TBC1D1: variants seen among roughly 807,000 people sequenced by gnomAD.
The protein encoded by TBC1D1 is TBC1 (tre-2/USP6, BUB2, cdc16) domain family, member 1.
TBC1D1 carries 89 observed loss-of-function variants against 125.6 expected under a neutral mutation model. The observed-to-expected ratio is 0.71, with a 90% CI of 0.60 to 0.85. The LOEUF (loss-of-function observed/expected upper bound fraction) is 0.85, where lower values mean the gene tolerates loss of function less well. Ranked by LOEUF, TBC1D1 falls within the 40% of genes least tolerant of loss-of-function variation. The pLI is 0.00. For synonymous variants in TBC1D1, 565 were observed against 564.1 expected (o/e 1.00, Z -0.02); for missense variants, 1,377 against 1,469.2 (o/e 0.94, Z 1.03).
At chr4:38,007,536 A>T (rs1245064188) in intron 2 of TBC1D1, among the ~76,000 whole-genome samples, 2 of 152,162 alleles carry the variant, frequency 1.3e-5, no homozygotes, top group Non-Finnish European at 2.9e-5. Flanking sequence ...TACAGGTGTG[A>T]ACCACTACTC....
intron 9 of TBC1D1, among the ~76,000 whole-genome samples, chr4:38,044,845 G>A (rs1310441906): frequency 6.6e-6 from 1 of 152,180 alleles, no homozygotes; most frequent in East Asian, 1.9e-4. Flanking sequence ...GTTACTGTCA[G>A]CTGCTGGTGT....
intron 2 of TBC1D1, among the ~76,000 whole-genome samples, chr4:37,971,822 C>T (rs1732086915): frequency 6.6e-6 from 1 of 152,158 alleles, no homozygotes; most frequent in South Asian, 2.1e-4. Context: ...CCAATAATGA[C>T]CTCTGTGGCT....
chr4:38,097,219 A>G (rs1369415801), intron 14 of TBC1D1, among the ~76,000 whole-genome samples: 3 of 151,524 alleles, frequency 2.0e-5, no homozygotes, highest in Non-Finnish European at 4.4e-5. Context: ...CTGGAGTGCA[A>G]TGGCGCGATC....
intron 8 of TBC1D1, among the ~76,000 whole-genome samples, chr4:38,043,933 C>T (rs893552811): frequency 3.3e-5 from 5 of 152,190 alleles, no homozygotes; most frequent in African/African-American, 4.8e-5. Context: ...CTTTCTACCA[C>T]GCTGTGTTCA....
intron 2 of TBC1D1, among the ~76,000 whole-genome samples, chr4:37,998,697 C>A (rs763827822): frequency 2.6e-5 from 4 of 152,182 alleles, no homozygotes; most frequent in Non-Finnish European, 5.9e-5. Flanking sequence ...GATAGTCTGC[C>A]TTCTGTAAAA....
intron 2 of TBC1D1, among the ~76,000 whole-genome samples, chr4:37,997,255 C>T (rs192146542): frequency 1.8e-3 from 279 of 152,338 alleles, no homozygotes; most frequent in African/African-American, 6.1e-3. Context: ...AGATAATTAT[C>T]TATGCAAATG....
chr4:37,893,364 A>T (rs1341676402), intron 1 of TBC1D1, among the ~76,000 whole-genome samples: 5 of 152,128 alleles, frequency 3.3e-5, no homozygotes, highest in Admixed American at 6.6e-5. Context: ...CTTCCTGTAT[A>T]TGTGTGGGTG....
intron 2 of TBC1D1, among the ~76,000 whole-genome samples, chr4:37,986,419 A>G (rs1735463328): frequency 6.6e-6 from 1 of 152,220 alleles, no homozygotes; most frequent in Non-Finnish European, 1.5e-5. Flanking sequence ...TCTATCAAAC[A>G]ATATATTGTA....
intron 2 of TBC1D1, among the ~76,000 whole-genome samples, chr4:37,937,001 C>A (rs1432343414): frequency 1.3e-5 from 2 of 152,106 alleles, no homozygotes; most frequent in East Asian, 3.9e-4. Context: ...GAAAATCAAG[C>A]CTGGCAAATG....
intron 2 of TBC1D1, among the ~76,000 whole-genome samples, chr4:37,942,547 T>G (rs780532141): frequency 2.7e-5 from 4 of 148,464 alleles, no homozygotes; most frequent in Non-Finnish European, 4.5e-5. Context: ...GTTTTTTTTG[T>G]TTTTTTTTTA....
chr4:38,045,576 C>T (rs1749278344), intron 9 of TBC1D1, among the ~76,000 whole-genome samples: 1 of 152,144 alleles, frequency 6.6e-6, no homozygotes, highest in Non-Finnish European at 1.5e-5. Flanking sequence ...GTCTTCCTGC[C>T]TATCACTCAT....
In TBC1D1 at chr4:37,902,370, G is replaced by C. The variant is rs1159722384; in HGVS notation, c.275G>C (p.Ser92Thr). Residue 92 changes from serine to threonine, a missense_variant, in exon 2 of 20, where the codon AGC becomes ACC. Ser to Thr is a moderately conservative substitution (Grantham distance 58, BLOSUM62 1). This residue lies in a region of TBC1D1 where 822 missense variants were observed against 824.6 expected (regional missense o/e 1.00). Transcript: ENST00000261439. ...CAGTGGGATCCCCTGATCTATTCCA[G>C]CATCTTTGAGTGCAAGCCTCAGCGT... 19 of 1,614,190 alleles carry C rather than the reference G, an allele frequency of 1.2e-5. No individual in the cohort carries two copies. The highest frequency in any genetic ancestry group is 1.6e-5 in the Non-Finnish European group (19 of 1,180,046).
intron 10 of TBC1D1, among the ~76,000 whole-genome samples, chr4:38,049,121 C>G (rs1008173827): frequency 6.6e-6 from 1 of 152,120 alleles, no homozygotes; most frequent in Non-Finnish European, 1.5e-5. Context: ...TTTCCATATT[C>G]TAAGAATATT....
At position 38,139,091 on chromosome 4, in the gene TBC1D1, T is replaced by A. The variant is rs895326054; in HGVS notation, c.*1756T>A. On this transcript the variant is annotated 3_prime_UTR_variant, in exon 20 of 20. Transcript: ENST00000261439. ...TGTTTACTGTTGGATTTTGGGCATC[T>A]TATTACTGTTACTCAAAAACATTGA... 3 of 152,654 alleles carry A rather than the reference T, an allele frequency of 2.0e-5. No individual in the cohort carries two copies. The highest frequency in any genetic ancestry group is 4.4e-5 in the Non-Finnish European group (3 of 68,040). The allele number at this position is 152,654 out of a possible 1,614,324, so 9.5% of individuals were successfully genotyped here.
At chr4:38,005,824 A>G (rs1042474656) in intron 2 of TBC1D1, among the ~76,000 whole-genome samples, 8 of 152,124 alleles carry the variant, frequency 5.3e-5, no homozygotes, top group African/African-American at 1.9e-4. Flanking sequence ...CTGGGGAGCA[A>G]CTCCAGTCCC....
chr4:38,044,422 A>G lies in TBC1D1; in HGVS notation c.1474A>G (p.Arg492Gly). 6.2e-7 allele frequency: 1 copy of G among 1,613,870 alleles called. No homozygotes were observed. ...ATTACCACCCAGTGCCACTCGATTT[A>G]GGCTAGATATGCTGAAAAACAAAGC... Residue 492 changes from arginine to glycine, a missense_variant, in exon 9 of 20, where the codon AGG (arginine) becomes GGG (glycine). Physicochemically the swap from Arg to Gly is moderately radical, Grantham distance 125. This residue lies in a region of TBC1D1 where 822 missense variants were observed against 824.6 expected (regional missense o/e 1.00). Transcript: ENST00000261439.
chr4:37,910,660 G>A (rs774257086), intron 2 of TBC1D1, among the ~76,000 whole-genome samples: 1 of 152,070 alleles, frequency 6.6e-6, no homozygotes, highest in Non-Finnish European at 1.5e-5. Context: ...AAGGGTAGTC[G>A]GGGCTGGGGA....
intron 12 of TBC1D1, among the ~76,000 whole-genome samples, chr4:38,073,291 T>C (rs930702553): frequency 2.0e-5 from 3 of 152,250 alleles, no homozygotes; most frequent in East Asian, 3.8e-4. Flanking sequence ...ATCTTCTGGA[T>C]TGCAGATTTT....
At chr4:38,034,492 T>G (rs1746828808) in intron 7 of TBC1D1, among the ~76,000 whole-genome samples, 1 of 152,216 alleles carries the variant, frequency 6.6e-6, no homozygotes, top group African/African-American at 2.4e-5. Flanking sequence ...AGGACTGGGT[T>G]TCTTTAAGAA....
Sources: allele counts gnomAD v4.1 joint callset (sites outside exome capture counted in the v4.1 genomes callset), GRCh38; gene constraint gnomAD v4.1.1; regional missense constraint gnomAD v4.1.1; transcripts MANE v1.5; gene names NCBI Gene and HGNC (gene_info 2026-07-23, HGNC 2026-07-21).